The following MACROD2 variants were observed in gnomAD, a reference collection of about 807,000 sequenced individuals.
MACROD2 encodes the protein ADP-ribose glycohydrolase MACROD2.
In MACROD2, 36 loss-of-function variants were observed where a neutral mutation model predicts 70.4. That is an observed-to-expected ratio of 0.51 (90% CI 0.39 to 0.68). The LOEUF (loss-of-function observed/expected upper bound fraction) is 0.68. MACROD2 is among the 30% of genes least tolerant of loss of function. The pLI is 0.00. For missense variants in MACROD2, 496 were observed against 538.4 expected, an observed-to-expected ratio of 0.92 and a Z score of 0.78; for synonymous variants, 172 against 178.8, an observed-to-expected ratio of 0.96 and a Z score of 0.30.
chr20:15,240,022 CA>C (rs2077047503), intron 6 of MACROD2, among the ~76,000 whole-genome samples: 1 of 152,128 alleles, frequency 6.6e-6, no homozygotes, highest in Non-Finnish European at 1.5e-5. Context: ...TGGTGAACAG[CA>C]GGGGGGTTTA....
chr20:14,227,042 A>G (rs554353146), intron 3 of MACROD2, among the ~76,000 whole-genome samples: 1 of 152,284 alleles, frequency 6.6e-6, no homozygotes, highest in South Asian at 2.1e-4. Context: ...GGCACTCTGT[A>G]TCTAGCTCAA....
intron 4 of MACROD2, among the ~76,000 whole-genome samples, chr20:14,523,972 G>T (rs898271883): frequency 1.2e-4 from 18 of 152,190 alleles, no homozygotes; most frequent in Non-Finnish European, 2.4e-4. Context: ...TTCATCTAGA[G>T]TTAATCTGGA....
At chr20:14,041,578 A>C (rs544201841) in intron 2 of MACROD2, among the ~76,000 whole-genome samples, 1 of 152,298 alleles carries the variant, frequency 6.6e-6, no homozygotes, top group East Asian at 1.9e-4. Context: ...TAAACCAGAA[A>C]ATTTTGAGGC....
Position 15,939,248 on chromosome 20 carries a change from C to G in MACROD2, c.907+1704C>G, listed in dbSNP as rs140539337. Among the ~76,000 whole-genome samples the G allele has an allele frequency of 5.4e-3, 823 of 152,218 alleles. 1 individual carries two copies. The highest frequency in any genetic ancestry group is 0.01 in the Middle Eastern group (3 of 294). ...AACAGCCTTCTATTGGATGATGAGG[C>G]CATTTAGCATTTTCATAGCTAGAGA... On this transcript the variant is annotated intron_variant, in intron 12 of 17. Transcript: ENST00000684519.
intron 4 of MACROD2, among the ~76,000 whole-genome samples, chr20:14,675,083 G>A (rs2070843422): frequency 2.6e-5 from 4 of 152,148 alleles, no homozygotes; most frequent in Admixed American, 2.6e-4. Flanking sequence ...TTTGATTGGT[G>A]TACCTGAAAG....
chr20:14,380,374 C>G (rs1568586023), intron 3 of MACROD2, among the ~76,000 whole-genome samples: 2 of 152,054 alleles, frequency 1.3e-5, no homozygotes, highest in Admixed American at 1.3e-4. Flanking sequence ...TCTTTTCACT[C>G]TCTTGAGAGT....
chr20:16,009,431 A>G (rs1402303183), intron 15 of MACROD2, among the ~76,000 whole-genome samples: 1 of 152,170 alleles, frequency 6.6e-6, no homozygotes, highest in Non-Finnish European at 1.5e-5. Context: ...TCTTTTTACT[A>G]GAACTTCTTC....
intron 5 of MACROD2, among the ~76,000 whole-genome samples, chr20:14,995,610 A>G (rs2122882191): frequency 6.6e-6 from 1 of 152,322 alleles, no homozygotes; most frequent in South Asian, 2.1e-4. Context: ...TATGCACATA[A>G]TACATGAAAA....
intron 4 of MACROD2, among the ~76,000 whole-genome samples, chr20:14,651,427 C>T (rs182122459): frequency 2.6e-5 from 4 of 152,244 alleles, no homozygotes; most frequent in Admixed American, 2.6e-4. Flanking sequence ...GAGGACTGGG[C>T]TGCACATCCT....
intron 3 of MACROD2, among the ~76,000 whole-genome samples, chr20:14,247,680 T>C (rs750411815): frequency 5.7e-4 from 86 of 152,186 alleles, no homozygotes; most frequent in Non-Finnish European, 1.0e-4. Flanking sequence ...AAGAAGTGCC[T>C]ATAAGTGACA....
chr20:15,984,462 A>AT (rs918506817), intron 13 of MACROD2, among the ~76,000 whole-genome samples: 1 of 152,068 alleles, frequency 6.6e-6, no homozygotes, highest in Non-Finnish European at 1.5e-5. Context: ...ATTATACAAC[A>AT]TTTTTTGCAT....
chr20:14,726,820 A>G (rs79299417), intron 5 of MACROD2, among the ~76,000 whole-genome samples: 5,258 of 152,270 alleles, frequency 0.035, 129 homozygotes, highest in Non-Finnish European at 0.05. Context: ...CTTATGTGGC[A>G]GTAATAGGCT....
intron 5 of MACROD2, among the ~76,000 whole-genome samples, chr20:15,197,593 CT>C (rs1372495217): frequency 6.6e-6 from 1 of 152,196 alleles, no homozygotes; most frequent in Non-Finnish European, 1.5e-5. Flanking sequence ...ATGCTTATCA[CT>C]TTTTTTAAGT....
At chr20:14,271,399 T>C (rs1204688056) in intron 3 of MACROD2, among the ~76,000 whole-genome samples, 1 of 152,188 alleles carries the variant, frequency 6.6e-6, no homozygotes, top group African/African-American at 2.4e-5. Flanking sequence ...GGAGTGGACC[T>C]CTAGCAAACT....
chr20:14,606,950 A>T (rs1276675036), intron 4 of MACROD2, among the ~76,000 whole-genome samples: 1 of 152,202 alleles, frequency 6.6e-6, no homozygotes, highest in Non-Finnish European at 1.5e-5. Context: ...ACACACACAC[A>T]ATTCAAGGCA....
At chr20:14,227,997 T>C (rs2081758804) in intron 3 of MACROD2, among the ~76,000 whole-genome samples, 1 of 152,138 alleles carries the variant, frequency 6.6e-6, no homozygotes, top group South Asian at 2.1e-4. Flanking sequence ...TACAGTACAA[T>C]TGGGCAAGAT....
chr20:15,166,881 AAATTT>A (rs1170642171), intron 5 of MACROD2, among the ~76,000 whole-genome samples: 3 of 150,746 alleles, frequency 2.0e-5, no homozygotes, highest in Admixed American at 6.6e-5. Context: ...TTAACTTATT[AAATTT>A]AAGTATTAAG....
intron 6 of MACROD2, among the ~76,000 whole-genome samples, chr20:15,370,649 G>C (rs1051070510): frequency 6.6e-6 from 1 of 151,998 alleles, no homozygotes; most frequent in Non-Finnish European, 1.5e-5. Context: ...TCATAAAACA[G>C]CTATTGTATA....
intron 4 of MACROD2, among the ~76,000 whole-genome samples, chr20:14,536,082 T>C (rs1490114783): frequency 2.0e-5 from 3 of 152,128 alleles, no homozygotes; most frequent in Admixed American, 1.3e-4. Flanking sequence ...AGTAAAATCA[T>C]TTGAACTATT....
Sources: allele counts gnomAD v4.1 joint callset (sites outside exome capture counted in the v4.1 genomes callset), GRCh38; gene constraint gnomAD v4.1.1; transcripts MANE v1.5; gene names NCBI Gene and HGNC (gene_info 2026-07-23, HGNC 2026-07-21).